SVIL: variants seen among roughly 807,000 people sequenced by gnomAD.
The protein encoded by SVIL is supervillin.
A neutral mutation model predicts 240.4 loss-of-function variants in SVIL; 101 were observed. That is an observed-to-expected ratio of 0.42 (90% CI 0.36 to 0.50). The LOEUF is 0.50. Ranked by LOEUF, SVIL falls within the 20% of genes least tolerant of loss-of-function variation. The pLI is 0.01. For missense variants in SVIL, 2,512 were observed against 2,818.7 expected (o/e 0.89, Z 2.46); for synonymous variants, 999 against 1,100.0 (o/e 0.91, Z 1.82).
chr10:29,465,505 G>A (rs1164598306), intron 34 of SVIL, 90 bp downstream of exon 34: 11 of 1,476,232 alleles, frequency 7.5e-6, no homozygotes, highest in Admixed American at 7.4e-5. Context: ...GCAAACAGAA[G>A]CTGCTTAATA....
At chr10:29,515,169 G>A (rs1000802002) in intron 16 of SVIL, among the ~76,000 whole-genome samples, 2 of 152,186 alleles carry the variant, frequency 1.3e-5, no homozygotes, top group Admixed American at 6.5e-5. Context: ...AGGCTGCCTT[G>A]TCAATCTCAT....
intron 3 of SVIL, among the ~76,000 whole-genome samples, chr10:29,646,909 T>G (rs953532599): frequency 6.6e-6 from 1 of 152,146 alleles, no homozygotes; most frequent in Admixed American, 6.5e-5. Context: ...GCAAATTCAG[T>G]GACTGAGGGA....
intron 3 of SVIL, among the ~76,000 whole-genome samples, chr10:29,559,730 C>G (rs761920293): frequency 3.9e-5 from 6 of 152,198 alleles, no homozygotes; most frequent in Non-Finnish European, 8.8e-5. Context: ...CGGAGTGGTA[C>G]TACTGTGGCA....
In SVIL at chr10:29,484,773, A is replaced by G; in HGVS notation, c.4838T>C (p.Leu1613Ser). Residue 1613 changes from leucine to serine, a missense_variant, in exon 27 of 38, where the codon TTA becomes TCA. Leu to Ser is a moderately radical substitution (Grantham distance 145). Around this residue, in one of 3 missense-constraint regions of SVIL, gnomAD observed 797 missense variants for 925.3 expected, o/e 0.86. Transcript: ENST00000355867. The surrounding 1 kb of genome is among the most constrained non-coding windows in gnomAD (Gnocchi z 4.7). ...VYVWHGKEVTLAQRKIAFQLA... is the reference protein window; with the variant it reads ...VYVWHGKEVTSAQRKIAFQLA... ...CTGAAATGCTATTTTTCGTTGTGCTAATGTGACTTCTTTCCCATGCCATAC... is the reference window on the plus strand; with the variant it reads ...CTGAAATGCTATTTTTCGTTGTGCTGATGTGACTTCTTTCCCATGCCATAC... 1 of 1,613,884 alleles carries G rather than the reference A, an allele frequency of 6.2e-7. No individual in the cohort carries two copies. The highest frequency in any genetic ancestry group is 8.5e-7 in the Non-Finnish European group (1 of 1,179,928).
intron 1 of SVIL, among the ~76,000 whole-genome samples, chr10:29,621,868 A>C (rs1007379449): frequency 7.9e-5 from 12 of 152,084 alleles, no homozygotes; most frequent in Non-Finnish European, 1.3e-4. Flanking sequence ...AATCACAGAC[A>C]CAAATATGCA....
intron 1 of SVIL, among the ~76,000 whole-genome samples, chr10:29,595,039 T>C (rs2132816403): frequency 6.6e-6 from 1 of 152,306 alleles, no homozygotes; most frequent in South Asian, 2.1e-4. Context: ...TCCTGTTTCC[T>C]CTCCTCGGTT....
intron 3 of SVIL, among the ~76,000 whole-genome samples, chr10:29,650,845 A>G (rs1350326069): frequency 6.6e-6 from 1 of 152,182 alleles, no homozygotes; most frequent in Non-Finnish European, 1.5e-5. Context: ...GCCACATGGG[A>G]GGCTGAGGCA....
intron 17 of SVIL, among the ~76,000 whole-genome samples, chr10:29,512,390 G>C (rs1949901770): frequency 6.6e-6 from 1 of 152,166 alleles, no homozygotes; most frequent in African/African-American, 2.4e-5. Context: ...AAAGATATTA[G>C]TGGTGAATTC....
chr10:29,538,571 C>A (rs983401946), intron 6 of SVIL, among the ~76,000 whole-genome samples: 2 of 152,206 alleles, frequency 1.3e-5, no homozygotes, highest in African/African-American at 4.8e-5. Context: ...TGCTCCCCTG[C>A]GATGCTCGCA....
At chr10:29,676,248 T>C (rs1032194115) in intron 2 of SVIL, among the ~76,000 whole-genome samples, 1 of 152,378 alleles carries the variant, frequency 6.6e-6, no homozygotes, top group Admixed American at 6.5e-5. Flanking sequence ...TCTCAGTGAT[T>C]GGCTTTCTGT....
chr10:29,666,257 A>G (rs1281359664), intron 2 of SVIL, among the ~76,000 whole-genome samples: 1 of 152,174 alleles, frequency 6.6e-6, no homozygotes, highest in African/African-American at 2.4e-5. Context: ...CCACTCTTTA[A>G]AAAAATAATA....
chr10:29,465,279 A>G (rs751946386), intron 34 of SVIL, among the ~76,000 whole-genome samples: 1 of 152,196 alleles, frequency 6.6e-6, no homozygotes, highest in African/African-American at 2.4e-5. Context: ...TGCAGCAACA[A>G]GACTGAGAGG....
rs1186331295 is a variant in SVIL, at chr10:29,490,731, G to A, written c.4192+116C>T. ...GCAAACTTACTCCTTTTTACTTCATGAGGGTCTTCTGAGCACCATTATTGG... is the reference window on the plus strand; with the variant it reads ...GCAAACTTACTCCTTTTTACTTCATAAGGGTCTTCTGAGCACCATTATTGG... On this transcript the variant is annotated intron_variant, in intron 22 of 37. Coordinates refer to ENST00000355867, the MANE Select transcript of SVIL (RefSeq NM_021738.3). 2.4e-6 allele frequency: 3 copies of A among 1,268,264 alleles called. No individual in the cohort carries two copies. The South Asian group carries it at 4.4e-5, about 19-fold the overall frequency. 78.6% of individuals were successfully genotyped at this position (1,268,264 alleles called of 1,614,324 possible). A position where few individuals can be genotyped will look rare whatever the true frequency, so the allele number is the denominator to read the frequency against.
At position 29,715,991 on chromosome 10, in the gene SVIL, T is replaced by C. The variant is rs1963587731; in HGVS notation, c.-400+19760A>G. Among the ~76,000 whole-genome samples the C allele has an allele frequency of 2.0e-5, 3 of 152,358 alleles. No individual in the cohort carries two copies. The South Asian group carries it at 6.2e-4, about 32-fold the overall frequency. On this transcript the variant is annotated intron_variant, in intron 1 of 35. Coordinates refer to the SVIL transcript ENST00000375400. Reference sequence around the variant, plus strand: ...GTAAAAACTGAAGCAATGTAAAACATGTTCCATTAAACATTAATGCATTGC... The same window carrying C: ...GTAAAAACTGAAGCAATGTAAAACACGTTCCATTAAACATTAATGCATTGC...
chr10:29,468,097 G>A (rs1452571463), intron 32 of SVIL, among the ~76,000 whole-genome samples: 1 of 152,178 alleles, frequency 6.6e-6, no homozygotes, highest in Non-Finnish European at 1.5e-5. Context: ...GGAAGAAGAA[G>A]CCCTGTACCC....
At chr10:29,619,603 G>A (rs1051930809) in intron 1 of SVIL, among the ~76,000 whole-genome samples, 2 of 149,838 alleles carry the variant, frequency 1.3e-5, no homozygotes, top group African/African-American at 4.9e-5. Context: ...CAGATGATGA[G>A]CTTCGTGGCA....
chr10:29,710,486 C>T lies in SVIL; in HGVS notation c.-399-23835G>A, dbSNP rs189526391. ...TTGTGTGAAGAGAACCTGACTGATACACCCACTGACTACCAAACTCAATAA... is the reference window on the plus strand; with the variant it reads ...TTGTGTGAAGAGAACCTGACTGATATACCCACTGACTACCAAACTCAATAA... On this transcript the variant is annotated intron_variant, in intron 1 of 35. Coordinates refer to the SVIL transcript ENST00000375400. Among the ~76,000 whole-genome samples the T allele has an allele frequency of 1.1e-4, 17 of 152,332 alleles. No homozygotes were observed. In the East Asian group the frequency reaches 3.3e-3, roughly 29 times the overall value.
intron 2 of SVIL, among the ~76,000 whole-genome samples, chr10:29,565,927 T>A (rs965003491): frequency 5.3e-5 from 8 of 152,124 alleles, no homozygotes; most frequent in African/African-American, 1.9e-4. Flanking sequence ...AAAAATATTT[T>A]AAAAAATTAA....
intron 2 of SVIL, among the ~76,000 whole-genome samples, chr10:29,669,324 A>G (rs1281764434): frequency 6.6e-6 from 1 of 152,124 alleles, no homozygotes; most frequent in Non-Finnish European, 1.5e-5. Context: ...CGAAACTTGC[A>G]AAGTGGCCAG....
Sources: allele counts gnomAD v4.1 joint callset (sites outside exome capture counted in the v4.1 genomes callset), GRCh38; gene constraint gnomAD v4.1.1; regional missense constraint gnomAD v4.1.1; non-coding constraint Gnocchi (gnomAD v3.1); transcripts MANE v1.5; gene names NCBI Gene and HGNC (gene_info 2026-07-23, HGNC 2026-07-21).